HMMR: variants seen among roughly 807,000 people sequenced by gnomAD.
HMMR encodes hyaluronan mediated motility receptor.
In HMMR, 108 loss-of-function variants were observed where a neutral mutation model predicts 101.0. The observed-to-expected ratio is 1.07, with a 90% CI of 0.92 to 1.25. The LOEUF is 1.25. HMMR is among the 50% of genes most tolerant of loss of function. The pLI is 0.00. For missense variants in HMMR, 813 were observed against 788.7 expected (o/e 1.03, Z -0.37); for synonymous variants, 296 against 276.4 (o/e 1.07, Z -0.70).
At chr5:163,479,628 G>A (rs753720111) in intron 12 of HMMR, among the ~76,000 whole-genome samples, 5 of 152,078 alleles carry the variant, frequency 3.3e-5, no homozygotes, top group Admixed American at 6.6e-5. Flanking sequence ...ACACCACTGC[G>A]CTCCAGCCTG....
intron 1 of HMMR, among the ~76,000 whole-genome samples, chr5:163,461,415 G>GC (rs1434513568): frequency 2.0e-5 from 3 of 152,056 alleles, no homozygotes; most frequent in Non-Finnish European, 4.4e-5. Context: ...TATGAACCCA[G>GC]CCCCCATCGT....
At position 163,463,861 on chromosome 5, in the gene HMMR, G is replaced by A; in HGVS notation, c.52G>A (p.Ala18Thr). Residue 18 changes from alanine to threonine, a missense_variant, in exon 2 of 18, where the codon GCA (alanine) becomes ACA (threonine). By Grantham distance (58) the Ala-to-Thr change is moderately conservative (BLOSUM62 0). Coordinates refer to ENST00000393915, the MANE Select transcript of HMMR (RefSeq NM_001142556.2). ...LKRFNDPSGC[A>T]PSPGAYDVKT... ...ATGTTTTCTATTTCCTCTAGGTTGT[G>A]CACCATCTCCAGGTGCTTATGATGT... 7.1e-7 allele frequency: 1 copy of A among 1,407,498 alleles called. No homozygotes were observed. The highest frequency in any genetic ancestry group is 2.6e-5 in the East Asian group (1 of 37,952). The allele number at this position is 1,407,498 out of a possible 1,614,324, so 87.2% of individuals were successfully genotyped here. A position where few individuals can be genotyped will look rare whatever the true frequency, so the allele number is the denominator to read the frequency against.
chr5:163,482,587 A>G, intron 12 of HMMR, 55 bp from the exon 13 acceptor site: 1 of 1,282,046 alleles, frequency 7.8e-7, no homozygotes, highest in Non-Finnish European at 1.1e-6. Flanking sequence ...ATCAGTTATG[A>G]TTGTCATACG....
At position 163,463,919 on chromosome 5, in the gene HMMR, C is replaced by G. The variant is rs779623293; in HGVS notation, c.110C>G (p.Ser37Cys). ...TTAGAAGTATTGAAAGGACCAGTAT[C>G]CTTTCAGAAATCACAAAGATTTAAA... ...KTLEVLKGPV[S>C]FQKSQRFKQQ... The change falls in exon 2 of 18, where the codon TCC (serine) becomes TGC (cysteine). Residue 37 changes from serine (S) to cysteine (C), a missense_variant. Physicochemically the swap from Ser to Cys is moderately radical, Grantham distance 112 (BLOSUM62 -1). Coordinates refer to ENST00000393915, the MANE Select transcript of HMMR (RefSeq NM_001142556.2). 1 of 1,463,416 alleles carries G rather than the reference C, an allele frequency of 6.8e-7. No individual in the cohort carries two copies. The highest frequency in any genetic ancestry group is 2.4e-5 in the Admixed American group (1 of 41,398). The allele number at this position is 1,463,416 out of a possible 1,614,324, so 90.7% of individuals were successfully genotyped here.
Position 163,471,433 on chromosome 5 carries a change from A to C in HMMR, c.620A>C (p.Gln207Pro). 1 of 1,613,746 alleles carries C rather than the reference A, an allele frequency of 6.2e-7. No homozygotes were observed. Among genetic ancestry groups the C allele is most frequent in the Admixed American group, 1.7e-5 (1 of 60,020 alleles). The change falls in exon 7 of 18, where the codon CAA (glutamine) becomes CCA (proline). Residue 207 changes from glutamine to proline, a missense_variant. Coordinates refer to ENST00000393915, the MANE Select transcript of HMMR (RefSeq NM_001142556.2). The part of the protein sequence containing the change: ...QVTQRSLEES[Q>P]GKIAQLEGKL... ...ACCCAAAGGAGTCTCGAAGAGTCTCAAGGGAAAATAGCCCAACTGGAGGGA... is the reference window on the plus strand; with the variant it reads ...ACCCAAAGGAGTCTCGAAGAGTCTCCAGGGAAAATAGCCCAACTGGAGGGA...
At chr5:163,473,098 G>A (rs569388228) in intron 7 of HMMR, 81 bp from the exon 8 acceptor site, 3 of 710,712 alleles carry the variant, frequency 4.2e-6, no homozygotes, top group South Asian at 1.6e-5. Flanking sequence ...CCTGATACAG[G>A]AGTATCTGGT....
Position 163,463,953 on chromosome 5 carries a change from A to G in HMMR, c.144A>G (p.Lys48=). Residue 48 remains lysine (K), a splice_region_variant and synonymous_variant, in exon 2 of 18, where the codon AAA becomes AAG. Coordinates refer to ENST00000393915, the MANE Select transcript of HMMR (RefSeq NM_001142556.2). ...AATCACAAAGATTTAAACAACAAAA[A>G]GGTAATATAGATCACCAAAGAACAA... The part of the protein sequence containing the change: ...FQKSQRFKQQ[K]ESKQNLNVDK... 1 of 1,073,954 alleles carries G rather than the reference A, an allele frequency of 9.3e-7. No individual in the cohort carries two copies. Among genetic ancestry groups the G allele is most frequent in the Non-Finnish European group, 1.3e-6 (1 of 755,462 alleles). The allele number at this position is 1,073,954 out of a possible 1,614,324, so 66.5% of individuals were successfully genotyped here.
chr5:163,481,050 A>G (rs1442915194), intron 12 of HMMR, among the ~76,000 whole-genome samples: 1 of 151,960 alleles, frequency 6.6e-6, no homozygotes, highest in Non-Finnish European at 1.5e-5. Context: ...TTAAAATTTC[A>G]CTTTCCATTT....
intron 7 of HMMR, among the ~76,000 whole-genome samples, chr5:163,471,979 A>G (rs889110460): frequency 2.0e-5 from 3 of 151,814 alleles, no homozygotes; most frequent in African/African-American, 7.3e-5. Context: ...TCATGTCCCC[A>G]TCCCCATAAC....
intron 1 of HMMR, among the ~76,000 whole-genome samples, chr5:163,463,062 C>A (rs1475422829): frequency 1.3e-5 from 2 of 152,076 alleles, no homozygotes; most frequent in African/African-American, 4.8e-5. Flanking sequence ...CCTAAAGGCC[C>A]CATCTCAGGT....
At position 163,460,687 on chromosome 5, in the gene HMMR, G is replaced by C; in HGVS notation, c.-6G>C. On this transcript the variant is annotated 5_prime_UTR_variant, in exon 1 of 18. Coordinates refer to ENST00000393915, the MANE Select transcript of HMMR (RefSeq NM_001142556.2). The stretch of plus-strand genomic sequence containing the variant: ...TCACCTTCAGTTTCTGGAGCTGGCC[G>C]TCAACATGTCCTTTCCTAAGGCGCC... 6.2e-7 allele frequency: 1 copy of C among 1,604,272 alleles called. No individual in the cohort carries two copies. Among genetic ancestry groups the C allele is most frequent in the Non-Finnish European group, 8.5e-7 (1 of 1,175,088 alleles).
intron 3 of HMMR, among the ~76,000 whole-genome samples, chr5:163,467,398 A>G (rs1352348710): frequency 2.6e-5 from 4 of 152,206 alleles, no homozygotes; most frequent in Non-Finnish European, 5.9e-5. Flanking sequence ...ATGTGTTGCT[A>G]TTTAACATTA....
At chr5:163,463,541 C>T (rs893893801) in intron 1 of HMMR, among the ~76,000 whole-genome samples, 1 of 152,186 alleles carries the variant, frequency 6.6e-6, no homozygotes, top group Non-Finnish European at 1.5e-5. Flanking sequence ...AGAGTTGACA[C>T]CAAGTATTTT....
At chr5:163,461,334 T>C (rs1758524801) in intron 1 of HMMR, among the ~76,000 whole-genome samples, 2 of 152,204 alleles carry the variant, frequency 1.3e-5, no homozygotes, top group African/African-American at 4.8e-5. Flanking sequence ...AATCCTATTA[T>C]TATTTTATTG....
intron 1 of HMMR, among the ~76,000 whole-genome samples, chr5:163,462,121 C>T (rs1412247385): frequency 1.3e-5 from 2 of 152,250 alleles, no homozygotes; most frequent in South Asian, 2.1e-4. Flanking sequence ...CATATGATTT[C>T]CCGAGTAATC....
In HMMR at chr5:163,490,541, C is replaced by T; in HGVS notation, c.2114C>T (p.Pro705Leu). ...AAAGAAAATTTTGCCCTGAAGACCC[C>T]ATTAAAAGAAGGTAAGACATGAATA... ...ESKENFALKT[P>L]LKEGNTNCYR... The change falls in exon 17 of 18, where the codon CCA (proline) becomes CTA (leucine). Residue 705 changes from proline to leucine, a missense_variant. Physicochemically the swap from Pro to Leu is moderately conservative, Grantham distance 98. Transcript: ENST00000393915. The T allele has an allele frequency of 6.3e-7, 1 of 1,595,524 alleles. No homozygotes were observed. The highest frequency in any genetic ancestry group is 1.1e-5 in the South Asian group (1 of 87,040).
rs1420454960 is a variant in HMMR, at chr5:163,491,749, G to C, written c.*585G>C. 2 of 152,112 alleles carry C rather than the reference G, an allele frequency of 1.3e-5. No individual in the cohort carries two copies. Among genetic ancestry groups the C allele is most frequent in the Non-Finnish European group, 2.9e-5 (2 of 68,022 alleles). The allele number at this position is 152,112 out of a possible 1,614,324, so 9.4% of individuals were successfully genotyped here. Reference sequence around the variant, plus strand: ...TGTTTGTATGAAATTATAATCTGTGGATTGGCCTTTAAGCCTGCATTCTTA... The same window carrying C: ...TGTTTGTATGAAATTATAATCTGTGCATTGGCCTTTAAGCCTGCATTCTTA... On this transcript the variant is annotated 3_prime_UTR_variant, in exon 18 of 18. Transcript: ENST00000393915.
chr5:163,491,240 G>A lies in HMMR; in HGVS notation c.*76G>A. 1 of 789,388 alleles carries A rather than the reference G, an allele frequency of 1.3e-6. No individual in the cohort carries two copies. Among genetic ancestry groups the A allele is most frequent in the East Asian group, 2.8e-5 (1 of 35,736 alleles). 48.9% of individuals were successfully genotyped at this position (789,388 alleles called of 1,614,324 possible). ...TGTTGCTGTTATTATATTTGACATG[G>A]GTATTTTATAATGTTGTATTTAATT... is the stretch of plus-strand genomic sequence containing the variant. On this transcript the variant is annotated 3_prime_UTR_variant, in exon 18 of 18. Coordinates refer to ENST00000393915, the MANE Select transcript of HMMR (RefSeq NM_001142556.2).
intron 10 of HMMR, among the ~76,000 whole-genome samples, chr5:163,474,913 C>G (rs1169759315): frequency 6.6e-6 from 1 of 151,838 alleles, no homozygotes; most frequent in Non-Finnish European, 1.5e-5. Context: ...ATATCCCTCC[C>G]CAAATGTATA....
Sources: allele counts gnomAD v4.1 joint callset (sites outside exome capture counted in the v4.1 genomes callset), GRCh38; gene constraint gnomAD v4.1.1; transcripts MANE v1.5; gene names NCBI Gene and HGNC (gene_info 2026-07-23, HGNC 2026-07-21).